The following ATF6 variants were observed in gnomAD, a reference collection of about 807,000 sequenced individuals.
The protein encoded by ATF6 is activating transcription factor 6.
ATF6 carries 53 observed loss-of-function variants against 83.6 expected under a neutral mutation model. That is an observed-to-expected ratio of 0.63 (90% CI 0.51 to 0.80). The LOEUF (loss-of-function observed/expected upper bound fraction) is 0.80, where lower values mean the gene tolerates loss of function less well. ATF6 is among the 30% of genes least tolerant of loss of function. The pLI is 0.00. For synonymous variants in ATF6, 288 were observed against 285.8 expected (o/e 1.01, Z -0.08); for missense variants, 744 against 797.9 (o/e 0.93, Z 0.81).
chr1:161,880,307 C>T (rs558751533), intron 14 of ATF6, among the ~76,000 whole-genome samples: 2 of 151,062 alleles, frequency 1.3e-5, no homozygotes, highest in African/African-American at 4.9e-5. Flanking sequence ...TATTTAACAC[C>T]ACATTTTATG....
In ATF6 at chr1:161,781,971, T is replaced by C; in HGVS notation, c.219T>C (p.Ile73=). Residue 73 remains isoleucine (I), a synonymous_variant, in exon 3 of 16, where the codon ATT becomes ATC. Transcript: ENST00000367942. ...ATTTGATGCCTTGGGAGTCAGACAT[T>C]TGGGACATCAACAACCAAATCTGTA... ...DLDLMPWESD[I]WDINNQICTV... is the part of the protein sequence containing the mutation. 1.9e-6 allele frequency: 3 copies of C among 1,611,288 alleles called. No homozygotes were observed. Among genetic ancestry groups the C allele is most frequent in the Non-Finnish European group, 2.5e-6 (3 of 1,178,656 alleles).
rs1463344994 is a variant in ATF6 at position 161,958,746 on chromosome 1, C to T, written c.*92C>T. ...TGCTGCTTTCTGCCTTGGTGGCAGG[C>T]AGAGAACTGTCTCGTACTAGAATTC... On this transcript the variant is annotated 3_prime_UTR_variant, in exon 16 of 16. Transcript: ENST00000367942. 7 of 1,088,050 alleles carry T rather than the reference C, an allele frequency of 6.4e-6. No homozygotes were observed. The highest frequency in any genetic ancestry group is 9.1e-6 in the Non-Finnish European group (7 of 766,242). 67.4% of individuals were successfully genotyped at this position (1,088,050 alleles called of 1,614,324 possible).
At chr1:161,769,008 C>T (rs913653720) in intron 1 of ATF6, among the ~76,000 whole-genome samples, 1 of 152,170 alleles carries the variant, frequency 6.6e-6, no homozygotes, top group Non-Finnish European at 1.5e-5. Context: ...GATGTGCTTT[C>T]CTTTTTCTTT....
chr1:161,766,396 G>C lies in ATF6; in HGVS notation c.36G>C (p.Glu12Asp). Residue 12 changes from glutamate (E) to aspartate (D), a missense_variant, in exon 1 of 16, where the codon GAG (glutamate) becomes GAC (aspartate). Physicochemically the swap from Glu to Asp is conservative, Grantham distance 45. Coordinates refer to ENST00000367942, the MANE Select transcript of ATF6 (RefSeq NM_007348.4). ...GEPAGVAGTM[E>D]SPFSPGLFHR... is the part of the protein sequence containing the mutation. ...CGGCTGGGGTTGCCGGCACCATGGA[G>C]TCACCTTTTAGCCCGGGACTCTTTC... 1 of 1,613,646 alleles carries C rather than the reference G, an allele frequency of 6.2e-7. No homozygotes were observed. The highest frequency in any genetic ancestry group is 8.5e-7 in the Non-Finnish European group (1 of 1,179,744).
chr1:161,900,809 A>G (rs181081950), intron 14 of ATF6, among the ~76,000 whole-genome samples: 77 of 152,248 alleles, frequency 5.1e-4, no homozygotes, highest in African/African-American at 1.8e-3. Context: ...GTTACACAAG[A>G]ACATTTAAAA....
At chr1:161,829,456 T>G (rs1295111826) in intron 9 of ATF6, among the ~76,000 whole-genome samples, 1 of 152,106 alleles carries the variant, frequency 6.6e-6, no homozygotes, top group Non-Finnish European at 1.5e-5. Flanking sequence ...AGAATATACA[T>G]TCTTCTCAGC....
At chr1:161,939,513 A>G (rs1264386462) in intron 15 of ATF6, among the ~76,000 whole-genome samples, 2 of 152,230 alleles carry the variant, frequency 1.3e-5, no homozygotes, top group African/African-American at 2.4e-5. Context: ...GAAGGTGCCT[A>G]AACAAGATGA....
In ATF6 at chr1:161,819,964, G is replaced by A. The variant is rs569236782; in HGVS notation, c.1095+146G>A. The A allele has an allele frequency of 1.2e-5, 9 of 765,812 alleles. No individual in the cohort carries two copies. The South Asian group carries it at 2.6e-4, about 22-fold the overall frequency. 47.4% of individuals were successfully genotyped at this position (765,812 alleles called of 1,614,324 possible). On this transcript the variant is annotated intron_variant, in intron 8 of 15. Transcript: ENST00000367942. ...TATAATAAGTCCTAAAACATTTGCA[G>A]TAAGGATAAAGCATTTGAAGGGGAC...
chr1:161,819,570 T>C, intron 7 of ATF6, 63 bp from the exon 8 acceptor site: 1 of 1,293,504 alleles, frequency 7.7e-7, no homozygotes, highest in Non-Finnish European at 1.0e-6. Context: ...AATGAGTATA[T>C]TCTGATCTAT....
chr1:161,936,676 G>A (rs1429933278), intron 15 of ATF6, among the ~76,000 whole-genome samples: 5 of 152,122 alleles, frequency 3.3e-5, no homozygotes, highest in African/African-American at 1.2e-4. Context: ...CACTTAATCA[G>A]CATGTGTTTA....
intron 14 of ATF6, among the ~76,000 whole-genome samples, chr1:161,878,458 G>A (rs1175451330): frequency 6.6e-6 from 1 of 152,114 alleles, no homozygotes; most frequent in Non-Finnish European, 1.5e-5. Flanking sequence ...GAATAATGGA[G>A]TCATCAAGAA....
chr1:161,943,019 C>A (rs575897106), intron 15 of ATF6, among the ~76,000 whole-genome samples: 2 of 152,320 alleles, frequency 1.3e-5, no homozygotes, highest in African/African-American at 2.4e-5. Flanking sequence ...TGACACCCGG[C>A]TAATTTTTGT....
chr1:161,920,294 CTTTTT>C (rs71798307), intron 15 of ATF6, among the ~76,000 whole-genome samples: 1 of 54,844 alleles, frequency 1.8e-5, no homozygotes, highest in Admixed American at 2.2e-4. Context: ...CTCTCTCTCT[CTTTTT>C]TTTTTTTTTT....
intron 15 of ATF6, among the ~76,000 whole-genome samples, chr1:161,941,567 C>T (rs1448020868): frequency 6.6e-6 from 1 of 152,150 alleles, no homozygotes; most frequent in Non-Finnish European, 1.5e-5. Context: ...CAGTTTTCAG[C>T]CTTTAGCCGG....
chr1:161,939,701 C>T (rs543480685), intron 15 of ATF6, among the ~76,000 whole-genome samples: 217 of 152,316 alleles, frequency 1.4e-3, no homozygotes, highest in Non-Finnish European at 2.6e-3. Context: ...GTATTCTAAC[C>T]AGCAGGAAGA....
chr1:161,949,647 G>A (rs1416051095), intron 15 of ATF6, among the ~76,000 whole-genome samples: 1 of 152,210 alleles, frequency 6.6e-6, no homozygotes, highest in African/African-American at 2.4e-5. Context: ...AGAAGGTGAA[G>A]GGGAGCCTGT....
intron 14 of ATF6, among the ~76,000 whole-genome samples, chr1:161,904,626 A>AACACAC (rs141394108): frequency 2.0e-5 from 3 of 149,772 alleles, no homozygotes; most frequent in African/African-American, 7.4e-5. Context: ...AAAAAAACAA[A>AACACAC]ACACACACAC....
At chr1:161,834,667 C>T (rs1686166455) in intron 9 of ATF6, among the ~76,000 whole-genome samples, 1 of 150,758 alleles carries the variant, frequency 6.6e-6, no homozygotes, top group Non-Finnish European at 1.5e-5. Context: ...GGAGATAGAC[C>T]TAATGCTAAA....
chr1:161,927,016 A>G (rs1351022141), intron 15 of ATF6, among the ~76,000 whole-genome samples: 1 of 152,138 alleles, frequency 6.6e-6, no homozygotes, highest in Non-Finnish European at 1.5e-5. Flanking sequence ...TTCAGCGCAT[A>G]GCACTATGCC....
Sources: gnomAD v4.1 joint callset for allele counts (sites outside exome capture counted in the v4.1 genomes callset) on GRCh38, gnomAD v4.1.1 for gene constraint, MANE v1.5 for transcripts, NCBI Gene and HGNC (gene_info 2026-07-23, HGNC 2026-07-21) for gene names.